The following BBS7 variants were observed in gnomAD, a reference collection of about 807,000 sequenced individuals.
BBS7 encodes Bardet-Biedl syndrome 7.
In BBS7, 50 loss-of-function variants were observed where a neutral mutation model predicts 90.3. That is an observed-to-expected ratio of 0.55 (90% CI 0.44 to 0.70). The LOEUF (loss-of-function observed/expected upper bound fraction) is 0.70, where lower values mean the gene tolerates loss of function less well. Among genes scored for constraint, BBS7 ranks in the 30% least tolerant of loss-of-function variants. The pLI, the probability that BBS7 is intolerant of heterozygous loss-of-function variation, is 0.00. For missense variants in BBS7, 729 were observed against 838.9 expected, an observed-to-expected ratio of 0.87 and a Z score of 1.62; for synonymous variants, 235 against 287.4, an observed-to-expected ratio of 0.82 and a Z score of 1.85.
intron 3 of BBS7, among the ~76,000 whole-genome samples, chr4:121,862,755 C>T (rs1163081598): frequency 6.6e-6 from 1 of 152,080 alleles, no homozygotes; most frequent in Admixed American, 6.6e-5. Context: ...GAGAGCAGCC[C>T]CTGGTTTACA....
At chr4:121,859,555 T>A (rs982331440) in intron 4 of BBS7, among the ~76,000 whole-genome samples, 4 of 151,590 alleles carry the variant, frequency 2.6e-5, no homozygotes, top group African/African-American at 9.7e-5. Flanking sequence ...GATCAATTAA[T>A]CATCATAACT....
chr4:121,846,632 A>T (rs1018525578), intron 10 of BBS7, among the ~76,000 whole-genome samples: 2 of 152,230 alleles, frequency 1.3e-5, no homozygotes, highest in South Asian at 2.1e-4. Context: ...TCCTTGTTGC[A>T]TGAAGTAGGA....
At chr4:121,839,070 C>A (rs558058997) in intron 13 of BBS7, among the ~76,000 whole-genome samples, 79 of 152,080 alleles carry the variant, frequency 5.2e-4, no homozygotes, top group Non-Finnish European at 9.8e-4. Context: ...ATCTTAGACA[C>A]ATTAAATGAA....
chr4:121,834,632 A>C (rs1300297760), intron 14 of BBS7, among the ~76,000 whole-genome samples: 2 of 152,192 alleles, frequency 1.3e-5, no homozygotes, highest in African/African-American at 4.8e-5. Context: ...GCACAAAGAA[A>C]GTAATCAGTA....
rs1187402934 is a variant in BBS7, at chr4:121,870,396, C to T, written c.-83G>A. 1 of 1,527,612 alleles carries T rather than the reference C, an allele frequency of 6.5e-7. No homozygotes were observed. Among genetic ancestry groups the T allele is most frequent in the African/African-American group, 1.4e-5 (1 of 73,186 alleles). The allele number at this position is 1,527,612 out of a possible 1,614,324, so 94.6% of individuals were successfully genotyped here. On this transcript the variant is annotated 5_prime_UTR_variant, in exon 1 of 19. Transcript: ENST00000264499. ...CGGGCCCGCAGGCCTCCGACCCAGT[C>T]AGAAGGCTGCCCGCGCCCCTCAAAA...
intron 7 of BBS7, among the ~76,000 whole-genome samples, chr4:121,854,472 A>T (rs1560659172): frequency 6.6e-6 from 1 of 152,238 alleles, no homozygotes; most frequent in East Asian, 1.9e-4. Flanking sequence ...GCATAAAATG[A>T]TATTAGCCTA....
At chr4:121,834,194 C>T (rs1239727804) in intron 14 of BBS7, among the ~76,000 whole-genome samples, 1 of 152,080 alleles carries the variant, frequency 6.6e-6, no homozygotes, top group East Asian at 1.9e-4. Flanking sequence ...CGGACCAATC[C>T]TGTCATTTGC....
intron 5 of BBS7, among the ~76,000 whole-genome samples, chr4:121,855,869 T>G (rs1726615188): frequency 6.9e-6 from 1 of 144,312 alleles, no homozygotes; most frequent in African/African-American, 2.7e-5. Flanking sequence ...TGTGTATATA[T>G]GTATATGTAC....
chr4:121,835,403 A>G, intron 13 of BBS7, 120 bp from the exon 14 acceptor site: 1 of 1,207,196 alleles, frequency 8.3e-7, no homozygotes, highest in South Asian at 1.4e-5. Context: ...ACCTAATTTA[A>G]GAGGAGTTGG....
intron 10 of BBS7, among the ~76,000 whole-genome samples, chr4:121,846,580 T>G (rs1313577435): frequency 6.6e-6 from 1 of 152,098 alleles, no homozygotes; most frequent in East Asian, 1.9e-4. Context: ...AAAAAGGTAA[T>G]GTATTGAGGA....
chr4:121,843,953 C>G lies in BBS7; in HGVS notation c.1279G>C (p.Val427Leu). The change falls in exon 12 of 19, where the codon GTT (valine) becomes CTT (leucine). Residue 427 changes from valine (V) to leucine (L), a missense_variant. By Grantham distance (32) the Val-to-Leu change is conservative. Coordinates refer to ENST00000264499, the MANE Select transcript of BBS7 (RefSeq NM_176824.3). ...TCAGAATCACAGCTGCTAAAGCTAA[C>G]AACAGCAGAATTTTTATCCACATCA... Reference protein sequence around the residue: ...LLDVDKNSAVVSFSSCDSESN... With the variant: ...LLDVDKNSAVLSFSSCDSESN... 1.2e-6 allele frequency: 2 copies of G among 1,602,476 alleles called. No homozygotes were observed. Among genetic ancestry groups the G allele is most frequent in the Non-Finnish European group, 1.7e-6 (2 of 1,172,456 alleles).
At chr4:121,826,047 C>G in intron 18 of BBS7, 54 bp from the exon 19 acceptor site, 1 of 1,400,256 alleles carries the variant, frequency 7.1e-7, no homozygotes, top group South Asian at 1.2e-5. Context: ...TTTAATGACA[C>G]AGTATTTCAC....
intron 12 of BBS7, among the ~76,000 whole-genome samples, chr4:121,842,602 C>A (rs1486279889): frequency 6.6e-6 from 1 of 152,060 alleles, no homozygotes; most frequent in African/African-American, 2.4e-5. Flanking sequence ...CGCCACTGCA[C>A]TCCAGCCTGG....
At chr4:121,845,384 A>G (rs2149068473) in intron 11 of BBS7, 120 bp downstream of exon 11, 1 of 577,222 alleles carries the variant, frequency 1.7e-6, no homozygotes, top group East Asian at 3.5e-5. Flanking sequence ...ATAAAAATAA[A>G]AATAAAAATA....
intron 12 of BBS7, among the ~76,000 whole-genome samples, chr4:121,841,858 G>A (rs186867411): frequency 1.2e-3 from 182 of 152,168 alleles, no homozygotes; most frequent in African/African-American, 3.2e-3. Context: ...CATATCTTTT[G>A]TGTTTTGTTC....
chr4:121,829,996 G>A (rs1725104034), intron 15 of BBS7, among the ~76,000 whole-genome samples: 2 of 152,134 alleles, frequency 1.3e-5, no homozygotes, highest in Non-Finnish European at 2.9e-5. Context: ...TCCTTTTTAC[G>A]ATGACCAAGT....
At chr4:121,831,307 G>T (rs1725169353) in intron 15 of BBS7, among the ~76,000 whole-genome samples, 1 of 151,906 alleles carries the variant, frequency 6.6e-6, no homozygotes, top group African/African-American at 2.4e-5. Context: ...ACAGAGAAGA[G>T]AATCAAGGGA....
chr4:121,854,997 T>C (rs1047402353), intron 6 of BBS7, among the ~76,000 whole-genome samples, 177 bp from the exon 7 acceptor site: 1 of 152,136 alleles, frequency 6.6e-6, no homozygotes, highest in African/African-American at 2.4e-5. Context: ...GATAAGACAT[T>C]TCCCCATTAT....
At position 121,828,214 on chromosome 4, in the gene BBS7, A is replaced by G. The variant is rs138212739; in HGVS notation, c.1946T>C (p.Ile649Thr). ...CTGTAGGTGATCTGCCTCTTCTAGA[A>G]TACAGTGATATTCTGGTATCAGAAA... ...TNFLIPEYHC[I>T]LEEADHLQEE... Residue 649 changes from isoleucine (I) to threonine (T), a missense_variant, in exon 18 of 19, where the codon ATT becomes ACT. Transcript: ENST00000264499. 1 of 1,613,882 alleles carries G rather than the reference A, an allele frequency of 6.2e-7. No homozygotes were observed. The highest frequency in any genetic ancestry group is 1.3e-5 in the African/African-American group (1 of 75,030).
Sources: gnomAD v4.1 joint callset for allele counts (sites outside exome capture counted in the v4.1 genomes callset) on GRCh38, gnomAD v4.1.1 for gene constraint, MANE v1.5 for transcripts, NCBI Gene and HGNC (gene_info 2026-07-23, HGNC 2026-07-21) for gene names.